FBLN1: variants seen among roughly 807,000 people sequenced by gnomAD.
FBLN1 encodes fibulin 1, also known as fibulin-1.
FBLN1 carries 34 observed loss-of-function variants against 89.7 expected under a neutral mutation model. The ratio of observed to expected loss-of-function variants is 0.38; its 90% CI spans 0.29 to 0.50. The LOEUF is 0.50. Ranked by LOEUF, FBLN1 falls within the 20% of genes least tolerant of loss-of-function variation. The pLI is 0.92. For synonymous variants in FBLN1, 393 were observed against 391.3 expected (o/e 1.00, Z -0.05); for missense variants, 777 against 988.1 (o/e 0.79, Z 2.86).
rs1341523525 is a variant in FBLN1 at position 45,576,465 on chromosome 22, C to A, written c.1841-512C>A. ...CTGAGGCCCACAGAGAGGACTCCCC[C>A]AAGACAGCCCAGAGCTGGGGCTGCC... On this transcript the variant is annotated intron_variant, in intron 15 of 16. Transcript: ENST00000327858. The surrounding 1 kb of genome is among the most constrained non-coding windows in gnomAD (Gnocchi z 5.2). 6.6e-6 allele frequency among the ~76,000 whole-genome samples: 1 copy of A among 152,064 alleles called. No homozygotes were observed. Among genetic ancestry groups the A allele is most frequent in the Admixed American group, 6.5e-5 (1 of 15,276 alleles).
rs980668613 is a variant in FBLN1, at chr22:45,563,831, A to C, written c.1698-10680A>C. On this transcript the variant is annotated intron_variant, in intron 14 of 16. Transcript: ENST00000327858. The surrounding 1 kb of genome is among the most constrained non-coding windows in gnomAD (Gnocchi z 5.7). The stretch of plus-strand genomic sequence containing the variant: ...ACTGAGACAAGAAAGCTCTCTCCTG[A>C]GATTCAAGCCTCCTCTTCTGTTTGT... Among the ~76,000 whole-genome samples, 4 of 152,156 alleles carry C rather than the reference A, an allele frequency of 2.6e-5. No homozygotes were observed. The highest frequency in any genetic ancestry group is 9.7e-5 in the African/African-American group (4 of 41,446).
intron 1 of FBLN1, among the ~76,000 whole-genome samples, chr22:45,507,702 A>T (rs1260407199): frequency 6.6e-6 from 1 of 151,844 alleles, no homozygotes; most frequent in African/African-American, 2.4e-5. Context: ...TAATTTTTGT[A>T]TTTTTAGTAG....
intron 9 of FBLN1, 99 bp from the exon 10 acceptor site, chr22:45,542,056 A>C: frequency 6.4e-7 from 1 of 1,563,960 alleles, no homozygotes; most frequent in South Asian, 1.1e-5. Context: ...GCCTGTTTCC[A>C]TGTCCATGTG....
chr22:45,517,082 C>T lies in FBLN1; in HGVS notation c.80-1600C>T, dbSNP rs138232023. Among the ~76,000 whole-genome samples, 24 of 152,326 alleles carry T rather than the reference C, an allele frequency of 1.6e-4. 1 individual carries two copies. The East Asian group carries it at 4.6e-3, about 29-fold the overall frequency. On this transcript the variant is annotated intron_variant, in intron 1 of 16. Transcript: ENST00000327858. ...ATAGGGTGGTTTAGCAAGGTGCTGC[C>T]TCACCCAGCAGACAGCAGCCGCCCT...
chr22:45,576,216 G>T lies in FBLN1; in HGVS notation c.1841-761G>T, dbSNP rs933515193. ...GTATTTGCCTTTTGCAAAATGATGG[G>T]GTTTCACCAAACCACATACAAATCC... On this transcript the variant is annotated intron_variant, in intron 15 of 16. Coordinates refer to ENST00000327858, the MANE Select transcript of FBLN1 (RefSeq NM_006486.3). This position sits in a 1 kb window ranked among gnomAD's most constrained non-coding sequence, Gnocchi z 5.2. Among the ~76,000 whole-genome samples, 8 of 152,170 alleles carry T rather than the reference G, an allele frequency of 5.3e-5. 1 individual carries two copies. Among genetic ancestry groups the T allele is most frequent in the African/African-American group, 1.9e-4 (8 of 41,428 alleles).
At position 45,579,404 on chromosome 22, in the gene FBLN1, C is replaced by T. The variant is rs1181365046; in HGVS notation, c.1972+2296C>T. On this transcript the variant is annotated intron_variant, in intron 16 of 16. Coordinates refer to ENST00000327858, the MANE Select transcript of FBLN1 (RefSeq NM_006486.3). The surrounding 1 kb of genome is among the most constrained non-coding windows in gnomAD (Gnocchi z 5.5). ...TATGAGAGATGATCACAGGTGCCGT[C>T]CCGGCAGCGGGCTTCTGGGAACGGA... 1.3e-5 allele frequency among the ~76,000 whole-genome samples: 2 copies of T among 152,264 alleles called. No individual in the cohort carries two copies. The highest frequency in any genetic ancestry group is 2.4e-5 in the African/African-American group (1 of 41,466).
Position 45,545,993 on chromosome 22 carries a change from C to CA in FBLN1, c.1322-1087dup, listed in dbSNP as rs2088621440. Reference sequence around the variant, plus strand: ...TGAAACCCTGTGTCTACTAAAAATACAAAAATTAGCCGGGCATGGTGGTGC... The same window carrying CA: ...TGAAACCCTGTGTCTACTAAAAATACAAAAAATTAGCCGGGCATGGTGGTGC... On this transcript the variant is annotated intron_variant, in intron 11 of 16. Transcript: ENST00000327858. This position sits in a 1 kb window ranked among gnomAD's most constrained non-coding sequence, Gnocchi z 5.9. Among the ~76,000 whole-genome samples the CA allele has an allele frequency of 6.6e-6, 1 of 151,970 alleles. No individual in the cohort carries two copies. Among genetic ancestry groups the CA allele is most frequent in the Non-Finnish European group, 1.5e-5 (1 of 67,992 alleles).
At chr22:45,555,184 C>T (rs2088769283) in intron 14 of FBLN1, among the ~76,000 whole-genome samples, 1 of 151,514 alleles carries the variant, frequency 6.6e-6, no homozygotes, top group Non-Finnish European at 1.5e-5. Flanking sequence ...CCGTCTCTGT[C>T]TCCACCACAA....
At chr22:45,559,322 C>T (rs1330866443) in intron 14 of FBLN1, among the ~76,000 whole-genome samples, 1 of 152,200 alleles carries the variant, frequency 6.6e-6, no homozygotes, top group African/African-American at 2.4e-5. Flanking sequence ...CTGCACAGGC[C>T]AAATGGGAGA....
intron 11 of FBLN1, among the ~76,000 whole-genome samples, chr22:45,546,621 C>T (rs1569249526): frequency 6.6e-6 from 1 of 152,192 alleles, no homozygotes; most frequent in Admixed American, 6.5e-5. Context: ...GACAGTTGAG[C>T]AGTAGTTCAG....
rs1157794674 is a variant in FBLN1 at position 45,561,519 on chromosome 22, A to G, written c.1697+10904A>G. 6.6e-6 allele frequency among the ~76,000 whole-genome samples: 1 copy of G among 152,210 alleles called. No individual in the cohort carries two copies. Among genetic ancestry groups the G allele is most frequent in the Non-Finnish European group, 1.5e-5 (1 of 68,034 alleles). On this transcript the variant is annotated intron_variant, in intron 14 of 16. Transcript: ENST00000327858. This position sits in a 1 kb window ranked among gnomAD's most constrained non-coding sequence, Gnocchi z 4.7. The stretch of plus-strand genomic sequence containing the variant: ...GTTTATTTTTCATAACTCTCTAAAC[A>G]GTTCATGCCAAGGACTATCAGTGTT...
chr22:45,534,143 G>C (rs1057278121), intron 7 of FBLN1, among the ~76,000 whole-genome samples: 1 of 152,056 alleles, frequency 6.6e-6, no homozygotes, highest in East Asian at 1.9e-4. Context: ...GTAGTGCACC[G>C]GTGCCAGCTA....
chr22:45,520,902 G>A (rs1288635969), intron 2 of FBLN1, among the ~76,000 whole-genome samples: 8 of 152,028 alleles, frequency 5.3e-5, no homozygotes, highest in African/African-American at 2.4e-5. Flanking sequence ...TGCAACCTCC[G>A]CCTCCTAGAT....
At chr22:45,573,458 A>G (rs1434443657) in intron 14 of FBLN1, among the ~76,000 whole-genome samples, 1 of 151,254 alleles carries the variant, frequency 6.6e-6, no homozygotes, top group East Asian at 2.0e-4. Flanking sequence ...GGCGGATCAC[A>G]AGGTCAGAAG....
rs116560704 is a variant in FBLN1 at position 45,567,608 on chromosome 22, T to A, written c.1698-6903T>A. Among the ~76,000 whole-genome samples the A allele has an allele frequency of 4.4e-3, 667 of 152,166 alleles. 4 individuals are homozygous for A. The highest frequency in any genetic ancestry group is 6.7e-3 in the Non-Finnish European group (454 of 68,010). ...TCCAGCCTGGGCGATAGAGTGAGAC[T>A]TTGTCTCAGAAAAAAGATATGCAAA... On this transcript the variant is annotated intron_variant, in intron 14 of 16. Transcript: ENST00000327858.
In FBLN1 at chr22:45,555,175, C is replaced by T. The variant is rs532943464; in HGVS notation, c.1697+4560C>T. 6.7e-4 allele frequency among the ~76,000 whole-genome samples: 101 copies of T among 151,300 alleles called. 1 individual carries two copies. The South Asian group carries it at 0.013, about 19-fold the overall frequency. ...GTCTCCACCGCAGGAGGTTGGGACC[C>T]GTCTCTGTCTCCACCACAAGAAGTT... On this transcript the variant is annotated intron_variant, in intron 14 of 16. Coordinates refer to ENST00000327858, the MANE Select transcript of FBLN1 (RefSeq NM_006486.3).
intron 1 of FBLN1, among the ~76,000 whole-genome samples, chr22:45,505,853 C>G (rs991106194): frequency 7.2e-5 from 11 of 152,288 alleles, no homozygotes; most frequent in Admixed American, 7.2e-4. Flanking sequence ...CTCACTGCAA[C>G]CTCCGCCTCC....
intron 14 of FBLN1, chr22:45,558,257 GAC>G: frequency 1.9e-6 from 1 of 523,888 alleles, no homozygotes; most frequent in Non-Finnish European, 3.6e-6. Context: ...TGCTGTTCAT[GAC>G]CAACTTTATG....
intron 2 of FBLN1, among the ~76,000 whole-genome samples, chr22:45,521,565 C>T (rs1459465061): frequency 6.6e-6 from 1 of 152,250 alleles, no homozygotes; most frequent in East Asian, 1.9e-4. Flanking sequence ...TTCCCCTTTA[C>T]CCTGTTCTCA....
Sources: gnomAD v4.1 joint callset for allele counts (sites outside exome capture counted in the v4.1 genomes callset) on GRCh38, gnomAD v4.1.1 for gene constraint, Gnocchi (gnomAD v3.1) non-coding constraint, MANE v1.5 for transcripts, NCBI Gene and HGNC (gene_info 2026-07-23, HGNC 2026-07-21) for gene names.